CACNA1G: variants seen among roughly 807,000 people sequenced by gnomAD.
The protein encoded by CACNA1G is voltage-dependent T-type calcium channel subunit alpha-1G.
A neutral mutation model predicts 219.4 loss-of-function variants in CACNA1G; 67 were observed. The observed-to-expected ratio is 0.31, with a 90% CI of 0.25 to 0.37. The LOEUF (loss-of-function observed/expected upper bound fraction) is 0.37. Ranked by LOEUF, CACNA1G falls within the 10% of genes least tolerant of loss-of-function variation. The pLI is 1.00. For missense variants in CACNA1G, 2,380 were observed against 3,231.4 expected, an observed-to-expected ratio of 0.74 and a Z score of 6.39; for synonymous variants, 1,296 against 1,345.3, an observed-to-expected ratio of 0.96 and a Z score of 0.80.
Position 50,618,964 on chromosome 17 carries a change from G to T in CACNA1G, c.5737G>T (p.Ala1913Ser). The change falls in exon 33 of 38, where the codon GCC becomes TCC. Residue 1913 changes from alanine (A) to serine (S), a missense_variant. Coordinates refer to ENST00000359106, the MANE Select transcript of CACNA1G (RefSeq NM_018896.5). This position sits in a 1 kb window ranked among gnomAD's most constrained non-coding sequence, Gnocchi z 5.3. ...SPKPGALHPA[A>S]HARSASHFSL... ...CAAGCCTGGGGCTCTGCACCCAGCG[G>T]CCCACGCGAGATCAGCCTCCCACTT... The T allele has an allele frequency of 6.4e-7, 1 of 1,558,720 alleles. No individual in the cohort carries two copies.
chr17:50,612,046 C>G (rs900873528), intron 26 of CACNA1G, among the ~76,000 whole-genome samples: 2 of 152,250 alleles, frequency 1.3e-5, no homozygotes, highest in African/African-American at 4.8e-5. Context: ...TTCCTAGGAC[C>G]TGGAGTTCTG....
At chr17:50,625,292 G>T (rs1598861772) in intron 37 of CACNA1G, among the ~76,000 whole-genome samples, 1 of 152,244 alleles carries the variant, frequency 6.6e-6, no homozygotes, top group Admixed American at 6.5e-5. Flanking sequence ...CATGCCATGT[G>T]TGTGTCCTGA....
Position 50,567,929 on chromosome 17 carries a change from C to T in CACNA1G, c.243-941C>T, listed in dbSNP as rs148374312. The stretch of plus-strand genomic sequence containing the variant: ...GTTTTGGCTGGTCTGGGCTGGAAGC[C>T]ACAAGCAGGTGTGATGGCGGCAATG... On this transcript the variant is annotated intron_variant, in intron 1 of 37. Transcript: ENST00000359106. Among the ~76,000 whole-genome samples the T allele has an allele frequency of 7.2e-3, 1,099 of 152,200 alleles. 4 individuals are homozygous for T. The highest frequency in any genetic ancestry group is 0.024 in the Middle Eastern group (7 of 294).
intron 5 of CACNA1G, 47 bp from the exon 6 acceptor site, chr17:50,572,507 A>G (rs769977486): frequency 1.2e-5 from 17 of 1,446,568 alleles, no homozygotes; most frequent in Middle Eastern, 1.8e-4. Flanking sequence ...CTCTCCCTGG[A>G]GAGCCCACTC....
rs146983882 is a variant in CACNA1G, at chr17:50,599,410, T to C, written c.3259-18T>C. 1.2e-4 allele frequency: 188 copies of C among 1,523,528 alleles called. 2 individuals are homozygous for C. In the African/African-American group the frequency reaches 2.0e-3, roughly 16 times the overall value. 94.4% of individuals were successfully genotyped at this position (1,523,528 alleles called of 1,614,324 possible). On this transcript the variant is annotated intron_variant, in intron 16 of 37. Coordinates refer to ENST00000359106, the MANE Select transcript of CACNA1G (RefSeq NM_018896.5). The stretch of plus-strand genomic sequence containing the variant: ...GCTGGGCCCTGCCTGAGACCACTCC[T>C]CCCCTGCTCACCCACAGCCCAGCGC...
rs1052963355 is a variant in CACNA1G at position 50,561,520 on chromosome 17, C to A, written c.61C>A (p.Arg21=). The A allele has an allele frequency of 1.3e-6, 2 of 1,537,134 alleles. No homozygotes were observed. The highest frequency in any genetic ancestry group is 1.2e-5 in the South Asian group (1 of 84,012). ...EESGQPRSFM[R]LNDLSGAGGR... ...GTCGGGACAGCCCCGGAGCTTCATG[C>A]GGCTCAACGACCTGTCGGGGGCCGG... Residue 21 remains arginine, a synonymous_variant, in exon 1 of 38, where the codon CGG becomes AGG. Coordinates refer to ENST00000359106, the MANE Select transcript of CACNA1G (RefSeq NM_018896.5).
chr17:50,618,872 C>T lies in CACNA1G; in HGVS notation c.5645C>T (p.Pro1882Leu), dbSNP rs1446461435. The T allele has an allele frequency of 6.2e-7, 1 of 1,612,732 alleles. No homozygotes were observed. The highest frequency in any genetic ancestry group is 8.5e-7 in the Non-Finnish European group (1 of 1,179,710). Reference sequence around the variant, plus strand: ...GAGATGAAGACCCTCAGCCCCCAGCCCCACTCGCCACTGGGCAGCCCCTTC... The same window carrying T: ...GAGATGAAGACCCTCAGCCCCCAGCTCCACTCGCCACTGGGCAGCCCCTTC... Reference protein sequence around the residue: ...ELEMKTLSPQPHSPLGSPFLW... With the variant: ...ELEMKTLSPQLHSPLGSPFLW... Residue 1882 changes from proline (P) to leucine (L), a missense_variant, in exon 33 of 38, where the codon CCC becomes CTC. Physicochemically the swap from Pro to Leu is moderately conservative, Grantham distance 98. Around this residue, in one of 17 missense-constraint regions of CACNA1G, gnomAD observed 672 missense variants for 670.5 expected, o/e 1.00. Coordinates refer to ENST00000359106, the MANE Select transcript of CACNA1G (RefSeq NM_018896.5). The surrounding 1 kb of genome is among the most constrained non-coding windows in gnomAD (Gnocchi z 5.3).
intron 9 of CACNA1G, among the ~76,000 whole-genome samples, chr17:50,588,609 G>A (rs1256632974): frequency 7.9e-5 from 12 of 152,172 alleles, no homozygotes; most frequent in East Asian, 1.9e-4. Flanking sequence ...CTGTGTGACC[G>A]GGCTAACCAG....
At chr17:50,582,069 G>A (rs1033871084) in intron 9 of CACNA1G, among the ~76,000 whole-genome samples, 1 of 152,262 alleles carries the variant, frequency 6.6e-6, no homozygotes, top group South Asian at 2.1e-4. Context: ...GTGAGAAACA[G>A]CTCCAGCACG....
Position 50,618,768 on chromosome 17 carries a change from C to T in CACNA1G, c.5541C>T (p.Ile1847=), listed in dbSNP as rs1367737705. 8.1e-6 allele frequency: 13 copies of T among 1,613,880 alleles called. No individual in the cohort carries two copies. The highest frequency in any genetic ancestry group is 1.7e-5 in the Admixed American group (1 of 60,006). The change falls in exon 33 of 38, where the codon ATC becomes ATT. Residue 1847 remains isoleucine (I), a synonymous_variant. Transcript: ENST00000359106. This position sits in a 1 kb window ranked among gnomAD's most constrained non-coding sequence, Gnocchi z 5.3. ...AGTTCGTGCTAGTCAACGTGGTGAT[C>T]GCCGTGCTGATGAAGCACCTGGAGG... ...TAQFVLVNVV[I]AVLMKHLEES...
At chr17:50,612,600 G>A (rs913111842) in intron 26 of CACNA1G, among the ~76,000 whole-genome samples, 19 of 152,258 alleles carry the variant, frequency 1.2e-4, no homozygotes, top group Middle Eastern at 3.2e-3. Flanking sequence ...GTCCTTGGGA[G>A]TGACCCCTGT....
chr17:50,592,212 G>C (rs1231988826), intron 13 of CACNA1G, 120 bp downstream of exon 13: 1 of 1,060,906 alleles, frequency 9.4e-7, no homozygotes, highest in East Asian at 2.5e-5. Flanking sequence ...CCCACAGGAA[G>C]AGCCTCTTAG....
intron 24 of CACNA1G, chr17:50,607,590 C>T (rs1398301640): frequency 3.9e-6 from 2 of 514,260 alleles, no homozygotes; most frequent in Non-Finnish European, 6.9e-6. Flanking sequence ...GCTTGCATTC[C>T]CTCAAGGCAG....
intron 22 of CACNA1G, among the ~76,000 whole-genome samples, chr17:50,604,579 G>A (rs971645817): frequency 3.3e-5 from 5 of 152,212 alleles, no homozygotes; most frequent in African/African-American, 7.2e-5. Flanking sequence ...GCTGGCCCGC[G>A]GTCTACTCCG....
rs2053942003 is a variant in CACNA1G, at chr17:50,627,127, A to C, written c.*376A>C. On this transcript the variant is annotated 3_prime_UTR_variant, in exon 38 of 38. Transcript: ENST00000359106. ...AAGAGACTTGTTTCCTTCTACTTTT[A>C]TGTGTCTCAGAATATTTTTGAGGCG... 2.2e-6 allele frequency: 1 copy of C among 462,430 alleles called. No homozygotes were observed. Among genetic ancestry groups the C allele is most frequent in the Non-Finnish European group, 4.3e-6 (1 of 232,666 alleles). 28.6% of individuals were successfully genotyped at this position (462,430 alleles called of 1,614,324 possible). A position where few individuals can be genotyped will look rare whatever the true frequency, so the allele number is the denominator to read the frequency against.
In CACNA1G at chr17:50,626,980, G is replaced by A. The variant is rs1334655279; in HGVS notation, c.*229G>A. The stretch of plus-strand genomic sequence containing the variant: ...AGAAGGAGAGGCCCGGTGCAGCTGA[G>A]GTTCCCGACACCAGAAGCTGTTGGG... On this transcript the variant is annotated 3_prime_UTR_variant, in exon 38 of 38. Coordinates refer to ENST00000359106, the MANE Select transcript of CACNA1G (RefSeq NM_018896.5). The surrounding 1 kb of genome is among the most constrained non-coding windows in gnomAD (Gnocchi z 4.3). 1 of 689,128 alleles carries A rather than the reference G, an allele frequency of 1.5e-6. No homozygotes were observed. The highest frequency in any genetic ancestry group is 2.6e-6 in the Non-Finnish European group (1 of 378,134). The allele number at this position is 689,128 out of a possible 1,614,324, so 42.7% of individuals were successfully genotyped here.
rs1016283185 is a variant in CACNA1G, at chr17:50,617,290, G to C, written c.5022-148G>C. 2.4e-6 allele frequency: 2 copies of C among 837,856 alleles called. No homozygotes were observed. The highest frequency in any genetic ancestry group is 3.6e-6 in the Non-Finnish European group (2 of 553,896). 51.9% of individuals were successfully genotyped at this position (837,856 alleles called of 1,614,324 possible). A position where few individuals can be genotyped will look rare whatever the true frequency, so the allele number is the denominator to read the frequency against. ...GCCACCAGTTGGCTGTGTGGCCTTA[G>C]ATAAGCCACGCCTCTTCTCTGTGGG... On this transcript the variant is annotated intron_variant, in intron 28 of 37. Coordinates refer to ENST00000359106, the MANE Select transcript of CACNA1G (RefSeq NM_018896.5). The surrounding 1 kb of genome is among the most constrained non-coding windows in gnomAD (Gnocchi z 5.8).
intron 23 of CACNA1G, 99 bp downstream of exon 23, chr17:50,606,122 C>G: frequency 1.3e-6 from 2 of 1,504,502 alleles, no homozygotes; most frequent in Non-Finnish European, 1.9e-6. Flanking sequence ...GAGGTGGGCT[C>G]CACGAAGAGA....
Position 50,578,184 on chromosome 17 carries a change from C to A in CACNA1G, c.1925-4C>A. The A allele has an allele frequency of 6.4e-7, 1 of 1,562,334 alleles. No homozygotes were observed. Among genetic ancestry groups the A allele is most frequent in the Admixed American group, 1.9e-5 (1 of 53,934 alleles). On this transcript the variant is annotated splice_polypyrimidine_tract_variant and splice_region_variant and intron_variant, in intron 8 of 37. Transcript: ENST00000359106. The surrounding 1 kb of genome is among the most constrained non-coding windows in gnomAD (Gnocchi z 4.5). Reference sequence around the variant, plus strand: ...AGCCTCTCACCTCTACTCTCCTGTTCCAGGTGCCTGCCAAAGCTCTTGCAA... The same window carrying A: ...AGCCTCTCACCTCTACTCTCCTGTTACAGGTGCCTGCCAAAGCTCTTGCAA...
Sources: allele counts gnomAD v4.1 joint callset (sites outside exome capture counted in the v4.1 genomes callset), GRCh38; gene constraint gnomAD v4.1.1; regional missense constraint gnomAD v4.1.1; non-coding constraint Gnocchi (gnomAD v3.1); transcripts MANE v1.5; gene names NCBI Gene and HGNC (gene_info 2026-07-23, HGNC 2026-07-21).